The following CCDC77 variants were observed in gnomAD, a reference collection of about 807,000 sequenced individuals.
The protein encoded by CCDC77 is coiled-coil domain containing 77.
In CCDC77, 56 loss-of-function variants were observed where a neutral mutation model predicts 66.8. The ratio of observed to expected loss-of-function variants is 0.84; its 90% CI spans 0.68 to 1.05. CCDC77 has a LOEUF of 1.05. CCDC77 is among the 50% of genes least tolerant of loss of function. The pLI is 0.00. For missense variants in CCDC77, 570 were observed against 576.8 expected (o/e 0.99, Z 0.12); for synonymous variants, 196 against 195.2 (o/e 1.00, Z -0.03).
At chr12:407,428 C>T (rs964543845) in intron 2 of CCDC77, among the ~76,000 whole-genome samples, 2 of 152,076 alleles carry the variant, frequency 1.3e-5, no homozygotes, top group Non-Finnish European at 2.9e-5. Context: ...TTATATTTGG[C>T]GAGCTTGGGA....
intron 1 of CCDC77, chr12:389,882 C>T (rs1325805868): frequency 6.6e-6 from 1 of 152,440 alleles, no homozygotes; most frequent in Non-Finnish European, 1.5e-5. Flanking sequence ...CGCCTCTTCT[C>T]CATCAAAACA....
rs1034432320 is a variant in CCDC77, at chr12:433,164, G to T, written c.673-10G>T. The T allele has an allele frequency of 6.2e-7, 1 of 1,600,360 alleles. No individual in the cohort carries two copies. Among genetic ancestry groups the T allele is most frequent in the Non-Finnish European group, 8.5e-7 (1 of 1,174,640 alleles). On this transcript the variant is annotated splice_polypyrimidine_tract_variant and intron_variant, in intron 8 of 12. Coordinates refer to ENST00000239830, the MANE Select transcript of CCDC77 (RefSeq NM_032358.4). ...GGGCTGGATTCCTCACCCCTTTTTG[G>T]CCTGTCTAGGTGGAAGCACTGCAGG...
At chr12:408,922 T>C (rs1945048827) in intron 2 of CCDC77, among the ~76,000 whole-genome samples, 1 of 152,076 alleles carries the variant, frequency 6.6e-6, no homozygotes, top group Non-Finnish European at 1.5e-5. Context: ...TACTACATTT[T>C]AGGCCGGGCG....
intron 6 of CCDC77, among the ~76,000 whole-genome samples, chr12:429,529 G>A (rs758998257): frequency 1.3e-5 from 2 of 150,030 alleles, no homozygotes; most frequent in Non-Finnish European, 2.9e-5. Context: ...GCGCAATCTC[G>A]GCTCACTGCA....
intron 4 of CCDC77, 121 bp from the exon 5 acceptor site, chr12:418,373 T>C (rs1945325899): frequency 2.1e-6 from 2 of 958,508 alleles, no homozygotes; most frequent in Non-Finnish European, 3.2e-6. Flanking sequence ...ATTTGAATTC[T>C]GTATTGGCAA....
intron 1 of CCDC77, among the ~76,000 whole-genome samples, chr12:402,404 G>A (rs1001710327): frequency 6.6e-6 from 1 of 152,166 alleles, no homozygotes; most frequent in Admixed American, 6.5e-5. Context: ...GGAGACTCAG[G>A]AAAGAGAAAA....
chr12:438,852 A>C (rs1206706112), intron 10 of CCDC77, among the ~76,000 whole-genome samples: 1 of 151,080 alleles, frequency 6.6e-6, no homozygotes, highest in Non-Finnish European at 1.5e-5. Flanking sequence ...GCAAATCGTG[A>C]GGTCAGGAGT....
chr12:441,213 G>A (rs981558646), intron 12 of CCDC77, among the ~76,000 whole-genome samples: 2 of 152,182 alleles, frequency 1.3e-5, no homozygotes, highest in African/African-American at 4.8e-5. Flanking sequence ...TTCATACTTC[G>A]ATGTAAGCTA....
chr12:411,652 C>A, intron 3 of CCDC77, 95 bp from the exon 4 acceptor site: 3 of 995,638 alleles, frequency 3.0e-6, no homozygotes, highest in Admixed American at 5.4e-5. Context: ...TAATTATAAG[C>A]ACTTTGGGAA....
chr12:415,437 A>C (rs113412839), intron 4 of CCDC77, among the ~76,000 whole-genome samples: 1,717 of 135,096 alleles, frequency 0.013, 141 homozygotes, highest in African/African-American at 0.046. Context: ...AATTAACATA[A>C]TAATATGTTA....
chr12:427,998 G>T (rs1945566906), intron 5 of CCDC77, among the ~76,000 whole-genome samples: 1 of 152,142 alleles, frequency 6.6e-6, no homozygotes, highest in Non-Finnish European at 1.5e-5. Context: ...TGAGCAAGGG[G>T]ATTGGATTTT....
rs949233193 is a variant in CCDC77 at position 424,858 on chromosome 12, A to T, written c.414-3911A>T. Among the ~76,000 whole-genome samples, 10 of 150,938 alleles carry T rather than the reference A, an allele frequency of 6.6e-5. 1 individual carries two copies. Among genetic ancestry groups the T allele is most frequent in the Non-Finnish European group, 8.8e-5 (6 of 67,844 alleles). On this transcript the variant is annotated intron_variant, in intron 5 of 12. Coordinates refer to ENST00000239830, the MANE Select transcript of CCDC77 (RefSeq NM_032358.4). Reference sequence around the variant, plus strand: ...TAAGGTTCCAACTTCATTATTTTGCATGTGGATGTCCAGTTTTCTCAACAT... The same window carrying T: ...TAAGGTTCCAACTTCATTATTTTGCTTGTGGATGTCCAGTTTTCTCAACAT...
At chr12:441,022 G>A (rs752813201) in intron 12 of CCDC77, 26 bp downstream of exon 12, 37 of 1,604,622 alleles carry the variant, frequency 2.3e-5, no homozygotes, top group African/African-American at 1.5e-4. Context: ...GAATTGCCAC[G>A]AGGGAGAGAA....
chr12:424,266 G>T (rs1945488748), intron 5 of CCDC77, among the ~76,000 whole-genome samples: 1 of 152,074 alleles, frequency 6.6e-6, no homozygotes, highest in South Asian at 2.1e-4. Flanking sequence ...ACCGTGCCTG[G>T]CTATAGAAGT....
rs111601941 is a variant in CCDC77 at position 428,947 on chromosome 12, C to T, written c.510+82C>T. The T allele has an allele frequency of 1.1e-3, 921 of 804,596 alleles. 3 individuals carry two copies. Among genetic ancestry groups the T allele is most frequent in the South Asian group, 3.8e-3 (215 of 56,818 alleles). The allele number at this position is 804,596 out of a possible 1,614,324, so 49.8% of individuals were successfully genotyped here. A position where few individuals can be genotyped will look rare whatever the true frequency, so the allele number is the denominator to read the frequency against. ...CCCATCATCAGAAGAACTTTAGTAT[C>T]CGCTGGAGAAGGCAGATGGAGAATT... On this transcript the variant is annotated intron_variant, in intron 6 of 12. Coordinates refer to ENST00000239830, the MANE Select transcript of CCDC77 (RefSeq NM_032358.4).
At chr12:439,392 C>T (rs1348573115) in intron 10 of CCDC77, among the ~76,000 whole-genome samples, 1 of 149,332 alleles carries the variant, frequency 6.7e-6, no homozygotes, top group Non-Finnish European at 1.5e-5. Context: ...TGGTGGTGGG[C>T]ACCTGTAATC....
chr12:435,734 G>A (rs1945737835), intron 9 of CCDC77, among the ~76,000 whole-genome samples: 1 of 152,084 alleles, frequency 6.6e-6, no homozygotes, highest in African/African-American at 2.4e-5. Flanking sequence ...CTGTCTGATT[G>A]TTTTGTTTCA....
In CCDC77 at chr12:408,971, C is replaced by T. The variant is rs550152388; in HGVS notation, c.-16-397C>T. Among the ~76,000 whole-genome samples the T allele has an allele frequency of 3.9e-5, 6 of 151,972 alleles. No homozygotes were observed. The East Asian group carries it at 9.7e-4, about 25-fold the overall frequency. ...CTGTAATCCCAGCACTTTGGGAGGC[C>T]GAGGCAGGTGGATCACAAGGTCAGG... On this transcript the variant is annotated intron_variant, in intron 2 of 12. Transcript: ENST00000239830.
intron 4 of CCDC77, 141 bp from the exon 5 acceptor site, chr12:418,353 T>C: frequency 1.4e-6 from 1 of 729,326 alleles, no homozygotes; most frequent in Non-Finnish European, 2.3e-6. Context: ...TATACATGCC[T>C]ATTGCTGTCA....
Sources: gnomAD v4.1 joint callset for allele counts (sites outside exome capture counted in the v4.1 genomes callset) on GRCh38, gnomAD v4.1.1 for gene constraint, MANE v1.5 for transcripts, NCBI Gene and HGNC (gene_info 2026-07-23, HGNC 2026-07-21) for gene names.